The following IL31RA variants were observed in gnomAD, a reference collection of about 807,000 sequenced individuals.
IL31RA encodes interleukin 31 receptor A, also known as interleukin-31 receptor subunit alpha.
In IL31RA, 66 loss-of-function variants were observed where a neutral mutation model predicts 83.7. The observed-to-expected ratio is 0.79, with a 90% confidence interval of 0.65 to 0.97. IL31RA has a LOEUF of 0.97. IL31RA is among the 50% of genes least tolerant of loss of function. The probability of loss-of-function intolerance (pLI) is 0.00; values close to 1 mark genes in which losing one functional copy is unlikely to be tolerated. For missense variants in IL31RA, 798 were observed against 919.4 expected, an observed-to-expected ratio of 0.87 and a Z score of 1.71; for synonymous variants, 325 against 329.0, an observed-to-expected ratio of 0.99 and a Z score of 0.13.
rs1022672557 is a variant in IL31RA, at chr5:55,919,393, C to T, written c.*2273C>T. Among the ~76,000 whole-genome samples the T allele has an allele frequency of 2.0e-5, 3 of 152,166 alleles. No homozygotes were observed. The highest frequency in any genetic ancestry group is 1.5e-5 in the Non-Finnish European group (1 of 68,034). On this transcript the variant is annotated 3_prime_UTR_variant, in exon 15 of 15. Coordinates refer to ENST00000652347, the MANE Select transcript of IL31RA (RefSeq NM_139017.7). ...CCCCAATGGCTCCTGTGAGTGGATT[C>T]CAGAGATAAGGATGTTGCCCTCTGG...
In IL31RA at chr5:55,922,576, G is replaced by C. The variant is rs974464460; in HGVS notation, c.*5456G>C. On this transcript the variant is annotated 3_prime_UTR_variant, in exon 15 of 15. Transcript: ENST00000652347. ...GGGTATGTGGTCTTTTCCACACATG[G>C]ACCACCTACGGATGCAATCTGTAAT... 1.5e-6 allele frequency: 1 copy of C among 648,660 alleles called. No homozygotes were observed. The highest frequency in any genetic ancestry group is 1.8e-5 in the African/African-American group (1 of 54,774). The allele number at this position is 648,660 out of a possible 1,614,324, so 40.2% of individuals were successfully genotyped here.
intron 11 of IL31RA, among the ~76,000 whole-genome samples, chr5:55,909,751 C>G (rs1749379648): frequency 6.7e-6 from 1 of 149,244 alleles, no homozygotes; most frequent in Non-Finnish European, 1.5e-5. Flanking sequence ...GTTGCCCAGA[C>G]TGGAGTGCAA....
In IL31RA at chr5:55,920,597, G is replaced by A. The variant is rs1359444672; in HGVS notation, c.*3477G>A. Among the ~76,000 whole-genome samples, 2 of 152,180 alleles carry A rather than the reference G, an allele frequency of 1.3e-5. No homozygotes were observed. Among genetic ancestry groups the A allele is most frequent in the African/African-American group, 2.4e-5 (1 of 41,440 alleles). ...GAGTTTTTCCCACAAAGCAGAAAACGTTTACTCTCTGACCCTTTGCAGAAA... is the reference window on the plus strand; with the variant it reads ...GAGTTTTTCCCACAAAGCAGAAAACATTTACTCTCTGACCCTTTGCAGAAA... On this transcript the variant is annotated 3_prime_UTR_variant, in exon 15 of 15. Coordinates refer to ENST00000652347, the MANE Select transcript of IL31RA (RefSeq NM_139017.7).
chr5:55,857,365 T>A (rs560038312), intron 1 of IL31RA, among the ~76,000 whole-genome samples: 1 of 152,240 alleles, frequency 6.6e-6, no homozygotes, highest in African/African-American at 2.4e-5. Context: ...CCTCCCAAAG[T>A]CTTGGGATTA....
At chr5:55,849,657 C>T (rs531102650), upstream of IL31RA, among the ~76,000 whole-genome samples, 4 of 152,164 alleles carry the variant, frequency 2.6e-5, no homozygotes, top group Admixed American at 6.5e-5. Flanking sequence ...ATTGGGTCCC[C>T]TCCATGTATT....
At chr5:55,888,465 G>A (rs1747777658) in intron 5 of IL31RA, among the ~76,000 whole-genome samples, 1 of 152,146 alleles carries the variant, frequency 6.6e-6, no homozygotes, top group South Asian at 2.1e-4. Flanking sequence ...CACTACACAG[G>A]CTGAGCATGT....
In IL31RA at chr5:55,922,263, A is replaced by T; in HGVS notation, c.*5143A>T. ...TGCCCAAGACGCTTGTCGTGTGCTG[A>T]TGAAAAGGGCTGGGGAGAAGCAAGG... On this transcript the variant is annotated 3_prime_UTR_variant, in exon 15 of 15. Coordinates refer to ENST00000652347, the MANE Select transcript of IL31RA (RefSeq NM_139017.7). 1 of 746,626 alleles carries T rather than the reference A, an allele frequency of 1.3e-6. No individual in the cohort carries two copies. The highest frequency in any genetic ancestry group is 2.4e-6 in the Non-Finnish European group (1 of 416,618). 46.3% of individuals were successfully genotyped at this position (746,626 alleles called of 1,614,324 possible). A position where few individuals can be genotyped will look rare whatever the true frequency, so the allele number is the denominator to read the frequency against.
chr5:55,848,731 T>G (rs1561530714), upstream of IL31RA, among the ~76,000 whole-genome samples: 4 of 152,208 alleles, frequency 2.6e-5, no homozygotes, highest in South Asian at 8.3e-4. Context: ...TTTACTATGT[T>G]TTCCACTAAC....
chr5:55,853,038 G>A (rs925002712), intron 1 of IL31RA, among the ~76,000 whole-genome samples: 9 of 152,214 alleles, frequency 5.9e-5, no homozygotes, highest in African/African-American at 2.2e-4. Context: ...AGTTCAGTAT[G>A]TTTTCCTTTA....
chr5:55,879,306 A>T (rs539113181), intron 4 of IL31RA, among the ~76,000 whole-genome samples: 75 of 152,174 alleles, frequency 4.9e-4, no homozygotes, highest in Non-Finnish European at 2.9e-5. Context: ...TAAGACAGCC[A>T]CAAAACTATT....
At chr5:55,883,667 C>A (rs1048588158) in intron 5 of IL31RA, among the ~76,000 whole-genome samples, 1 of 152,124 alleles carries the variant, frequency 6.6e-6, no homozygotes, top group Non-Finnish European at 1.5e-5. Context: ...TGCCAGAGCC[C>A]CCTGCTTACC....
At chr5:55,880,694 C>T (rs1374786562) in intron 4 of IL31RA, among the ~76,000 whole-genome samples, 2 of 152,150 alleles carry the variant, frequency 1.3e-5, no homozygotes, top group African/African-American at 4.8e-5. Context: ...TCTAGGGAAA[C>T]CACCAGAGAT....
At chr5:55,907,259 G>A in intron 9 of IL31RA, 100 bp from the exon 10 acceptor site, 1 of 740,900 alleles carries the variant, frequency 1.3e-6, no homozygotes, top group Non-Finnish European at 2.4e-6. Context: ...GTAGAGAAAT[G>A]GAATATCTTC....
At chr5:55,865,605 A>G (rs545593547) in intron 2 of IL31RA, among the ~76,000 whole-genome samples, 125 of 152,338 alleles carry the variant, frequency 8.2e-4, no homozygotes, top group East Asian at 1.2e-3. Flanking sequence ...TTCTTGTTAT[A>G]GGGTAATACC....
chr5:55,898,295 G>A (rs1386699325), intron 7 of IL31RA, among the ~76,000 whole-genome samples: 1 of 151,894 alleles, frequency 6.6e-6, no homozygotes, highest in East Asian at 1.9e-4. Context: ...GTCGCCTGTT[G>A]GGTCTGGTCT....
rs1177642371 is a variant in IL31RA, at chr5:55,917,266, A to G, written c.*146A>G. The G allele has an allele frequency of 7.0e-6, 11 of 1,565,696 alleles. No individual in the cohort carries two copies. In the East Asian group the frequency reaches 1.8e-4, roughly 26 times the overall value. On this transcript the variant is annotated 3_prime_UTR_variant, in exon 15 of 15. Coordinates refer to ENST00000652347, the MANE Select transcript of IL31RA (RefSeq NM_139017.7). ...CCCCTGCCCCTTGAGCTGCCAGTTG[A>G]ACTTGGTCGGCAAAGATGCGACCTT...
chr5:55,888,283 T>A (rs1029444298), intron 5 of IL31RA, among the ~76,000 whole-genome samples: 2 of 152,178 alleles, frequency 1.3e-5, no homozygotes, highest in African/African-American at 4.8e-5. Context: ...CTGGATCCTG[T>A]CGGAGCCAGA....
At chr5:55,868,503 T>G (rs921325519) in intron 2 of IL31RA, among the ~76,000 whole-genome samples, 1 of 152,230 alleles carries the variant, frequency 6.6e-6, no homozygotes, top group Non-Finnish European at 1.5e-5. Flanking sequence ...ATACTTTGTA[T>G]GTATTTCTTG....
At chr5:55,910,428 T>C in intron 11 of IL31RA, 104 bp from the exon 12 acceptor site, 1 of 1,297,818 alleles carries the variant, frequency 7.7e-7, no homozygotes, top group Non-Finnish European at 1.1e-6. Context: ...ATGAGACAGC[T>C]GAGCTTGGAA....
Sources: gnomAD v4.1 joint callset for allele counts (sites outside exome capture counted in the v4.1 genomes callset) on GRCh38, gnomAD v4.1.1 for gene constraint, MANE v1.5 for transcripts, NCBI Gene and HGNC (gene_info 2026-07-23, HGNC 2026-07-21) for gene names.